The following TASP1 variants were observed in gnomAD, a reference collection of about 807,000 sequenced individuals.
The protein encoded by TASP1 is taspase 1.
In TASP1, 16 loss-of-function variants were observed where a neutral mutation model predicts 56.6. The observed-to-expected ratio is 0.28, with a 90% CI of 0.19 to 0.43. The LOEUF is 0.43. Among genes scored for constraint, TASP1 ranks in the 20% least tolerant of loss-of-function variants. The probability of loss-of-function intolerance (pLI) is 1.00; values close to 1 mark genes in which losing one functional copy is unlikely to be tolerated. For synonymous variants in TASP1, 179 were observed against 184.2 expected, an observed-to-expected ratio of 0.97 and a Z score of 0.23; for missense variants, 393 against 511.6, an observed-to-expected ratio of 0.77 and a Z score of 2.24.
chr20:13,627,850 T>G (rs1295239529), intron 2 of TASP1, among the ~76,000 whole-genome samples: 1 of 151,998 alleles, frequency 6.6e-6, no homozygotes, highest in East Asian at 1.9e-4. Context: ...CTGTAAATAA[T>G]TAGGAAGACC....
intron 2 of TASP1, among the ~76,000 whole-genome samples, chr20:13,627,041 C>G (rs944355411): frequency 2.6e-5 from 4 of 152,050 alleles, no homozygotes; most frequent in African/African-American, 9.7e-5. Flanking sequence ...TTTGTTTGCA[C>G]TGTGTTTAAA....
intron 2 of TASP1, among the ~76,000 whole-genome samples, chr20:13,628,927 C>T (rs1277199317): frequency 1.3e-5 from 2 of 152,194 alleles, no homozygotes; most frequent in Non-Finnish European, 2.9e-5. Context: ...AGAAAGATCA[C>T]AGGCTGACAC....
Position 13,453,837 on chromosome 20 carries a change from C to T in TASP1, c.986-18683G>A, listed in dbSNP as rs551721055. 1.8e-4 allele frequency among the ~76,000 whole-genome samples: 28 copies of T among 152,004 alleles called. 1 individual carries two copies. In the South Asian group the frequency reaches 5.0e-3, roughly 27 times the overall value. Reference sequence around the variant, plus strand: ...ATCATTTACAACAGTAATAGTCCCACGGAGGAAACAAACAAGGGGCTGAGA... The same window carrying T: ...ATCATTTACAACAGTAATAGTCCCATGGAGGAAACAAACAAGGGGCTGAGA... On this transcript the variant is annotated intron_variant, in intron 11 of 13. Transcript: ENST00000337743.
the TASP1 span, among the ~76,000 whole-genome samples, chr20:13,345,707 G>A: frequency 2.6e-5 from 4 of 152,096 alleles, no homozygotes; most frequent in South Asian, 8.3e-4. Context: ...ATCAGAGTGA[G>A]TGGAACACCA....
At chr20:13,474,971 T>C (rs919549836) in intron 11 of TASP1, among the ~76,000 whole-genome samples, 4 of 152,322 alleles carry the variant, frequency 2.6e-5, no homozygotes, top group East Asian at 1.9e-4. Context: ...TACTTTTTGA[T>C]AGGATTTTTT....
the TASP1 span, among the ~76,000 whole-genome samples, chr20:13,134,501 T>C: frequency 0.56 from 84,530 of 151,962 alleles, 23,879 homozygotes; most frequent in African/African-American, 0.65. Flanking sequence ...GAGAGAGTGA[T>C]TACAAGGTCA....
At chr20:13,457,214 T>C (rs1199471474) in intron 11 of TASP1, among the ~76,000 whole-genome samples, 1 of 152,130 alleles carries the variant, frequency 6.6e-6, no homozygotes, top group African/African-American at 2.4e-5. Flanking sequence ...GGCACATGTA[T>C]ACCTGTGTAT....
At chr20:13,564,938 G>A (rs904326741) in intron 7 of TASP1, among the ~76,000 whole-genome samples, 20 of 151,088 alleles carry the variant, frequency 1.3e-4, no homozygotes, top group South Asian at 2.1e-4. Flanking sequence ...CCCGGGAAGC[G>A]GAGGTTGCAG....
intron 8 of TASP1, among the ~76,000 whole-genome samples, chr20:13,542,991 T>C (rs940005352): frequency 1.3e-5 from 2 of 151,972 alleles, no homozygotes; most frequent in African/African-American, 4.8e-5. Context: ...AGGAGATAGA[T>C]ATAAACTTTA....
chr20:13,251,232 G>A, the TASP1 span, among the ~76,000 whole-genome samples: 1 of 152,114 alleles, frequency 6.6e-6, no homozygotes, highest in Non-Finnish European at 1.5e-5. Flanking sequence ...TTCACTTCCC[G>A]CTCCCTGCTT....
intron 11 of TASP1, among the ~76,000 whole-genome samples, chr20:13,462,442 G>A (rs2146356726): frequency 6.6e-6 from 1 of 152,268 alleles, no homozygotes. Context: ...AATAAGGCAT[G>A]CACATTGATT....
chr20:13,288,374 A>G, the TASP1 span, among the ~76,000 whole-genome samples: 1 of 152,136 alleles, frequency 6.6e-6, no homozygotes, highest in South Asian at 2.1e-4. Flanking sequence ...TGATCCCTAA[A>G]TGAGCCCTGG....
chr20:13,288,699 T>G, the TASP1 span: 1 of 1,601,266 alleles, frequency 6.2e-7, no homozygotes, highest in Non-Finnish European at 8.5e-7. Flanking sequence ...TTTACCTGAG[T>G]GTGTAGCTCC....
At chr20:13,433,841 T>TAAAAAAAAAAAAAAAAAAA (rs111973613) in intron 12 of TASP1, among the ~76,000 whole-genome samples, 2 of 116,184 alleles carry the variant, frequency 1.7e-5, no homozygotes, top group African/African-American at 3.4e-5. Context: ...GTGTTTGTAT[T>TAAAAAAAAAAAAAAAAAAA]AAAAAAAAAA....
the TASP1 span, among the ~76,000 whole-genome samples, chr20:13,326,880 G>A: frequency 7.2e-5 from 11 of 152,294 alleles, 1 homozygote; most frequent in East Asian, 2.1e-3. Context: ...AAAGCTGGAA[G>A]CATTTCCCTT....
the TASP1 span, among the ~76,000 whole-genome samples, chr20:13,370,947 G>A: frequency 1.3e-5 from 2 of 152,050 alleles, no homozygotes; most frequent in Non-Finnish European, 2.9e-5. Context: ...TGTCTGATTA[G>A]TTGGTATACA....
At chr20:13,150,897 T>A in the TASP1 span, among the ~76,000 whole-genome samples, 1 of 152,214 alleles carries the variant, frequency 6.6e-6, no homozygotes, top group Non-Finnish European at 1.5e-5. Context: ...CTTTGTTCAT[T>A]CATCATTTAT....
chr20:13,520,978 CT>C (rs1413468719), intron 10 of TASP1, among the ~76,000 whole-genome samples: 1 of 152,188 alleles, frequency 6.6e-6, no homozygotes, highest in African/African-American at 2.4e-5. Context: ...TGAACAGACA[CT>C]TCTCAAAAGA....
intron 10 of TASP1, among the ~76,000 whole-genome samples, chr20:13,509,215 A>C (rs2146702031): frequency 6.6e-6 from 1 of 151,910 alleles, no homozygotes; most frequent in East Asian, 1.9e-4. Context: ...ACATGGATGA[A>C]CTTAGAGGAT....
Sources: gnomAD v4.1 joint callset for allele counts (sites outside exome capture counted in the v4.1 genomes callset) on GRCh38, gnomAD v4.1.1 for gene constraint, MANE v1.5 for transcripts, NCBI Gene and HGNC (gene_info 2026-07-23, HGNC 2026-07-21) for gene names.